ABCA12: variants seen among roughly 807,000 people sequenced by gnomAD.
ABCA12 encodes glucosylceramide transporter ABCA12.
In ABCA12, 156 loss-of-function variants were observed where a neutral mutation model predicts 293.5. The observed-to-expected ratio is 0.53, with a 90% CI of 0.47 to 0.61. The LOEUF (loss-of-function observed/expected upper bound fraction) is 0.61, where lower values mean the gene tolerates loss of function less well. Among genes scored for constraint, ABCA12 ranks in the 20% least tolerant of loss-of-function variants. ABCA12 has a pLI of 0.00. For synonymous variants in ABCA12, 1,063 were observed against 1,108.0 expected, an observed-to-expected ratio of 0.96 and a Z score of 0.81; for missense variants, 2,797 against 3,090.2, an observed-to-expected ratio of 0.91 and a Z score of 2.25.
chr2:215,019,817 G>A (rs773704038), intron 11 of ABCA12, 21 bp from the exon 12 acceptor site: 1 of 1,605,824 alleles, frequency 6.2e-7, no homozygotes, highest in South Asian at 1.1e-5. Context: ...AGGGAAAAGA[G>A]TGGGAAATAG....
chr2:215,024,378 T>TA (rs1006566564), intron 11 of ABCA12, among the ~76,000 whole-genome samples: 18 of 151,992 alleles, frequency 1.2e-4, no homozygotes, highest in South Asian at 2.1e-4. Flanking sequence ...ATATAATTGA[T>TA]AAAAAAATGA....
chr2:214,933,221 A>G (rs1698115316), intron 52 of ABCA12, among the ~76,000 whole-genome samples: 1 of 152,204 alleles, frequency 6.6e-6, no homozygotes, highest in Non-Finnish European at 1.5e-5. Context: ...CAGTAAGCCA[A>G]TTACTTAACA....
intron 2 of ABCA12, among the ~76,000 whole-genome samples, chr2:215,095,193 A>T (rs2106110908): frequency 6.6e-6 from 1 of 152,282 alleles, no homozygotes; most frequent in Non-Finnish European, 1.5e-5. Context: ...TGTTGTTTTT[A>T]CCTAAATCAA....
At chr2:215,045,249 C>A (rs1019199963) in intron 7 of ABCA12, among the ~76,000 whole-genome samples, 3 of 152,144 alleles carry the variant, frequency 2.0e-5, no homozygotes, top group African/African-American at 7.2e-5. Flanking sequence ...ATCTCTTTTA[C>A]GAATAAAGTA....
At position 214,934,410 on chromosome 2, in the gene ABCA12, A is replaced by G. The variant is rs545211717; in HGVS notation, c.7543-195T>C. Among the ~76,000 whole-genome samples the G allele has an allele frequency of 2.6e-5, 4 of 152,336 alleles. No homozygotes were observed. The East Asian group carries it at 7.7e-4, about 29-fold the overall frequency. Reference sequence around the variant, plus strand: ...GATGAAAGTTTTGTGAATGTCAAAGAGAAAACAAATTTAAAAGTTCATGAA... The same window carrying G: ...GATGAAAGTTTTGTGAATGTCAAAGGGAAAACAAATTTAAAAGTTCATGAA... On this transcript the variant is annotated intron_variant, in intron 51 of 52. Transcript: ENST00000272895.
chr2:214,936,070 T>G (rs1262330928), intron 51 of ABCA12, among the ~76,000 whole-genome samples: 1 of 152,172 alleles, frequency 6.6e-6, no homozygotes, highest in African/African-American at 2.4e-5. Flanking sequence ...TGGTTTTGCA[T>G]TCTATGGTTT....
At chr2:214,966,183 G>T (rs1199993755) in intron 39 of ABCA12, among the ~76,000 whole-genome samples, 1 of 152,182 alleles carries the variant, frequency 6.6e-6, no homozygotes, top group Non-Finnish European at 1.5e-5. Context: ...GGAGCTGAAT[G>T]GTGAGAATAC....
chr2:215,037,133 T>A (rs1701011270), intron 7 of ABCA12, 68 bp from the exon 8 acceptor site: 1 of 1,269,976 alleles, frequency 7.9e-7, no homozygotes, highest in Non-Finnish European at 1.1e-6. Flanking sequence ...AAAAGATTAT[T>A]CAAGGAGAAA....
At chr2:215,001,370 C>T (rs1700142400) in intron 21 of ABCA12, among the ~76,000 whole-genome samples, 188 bp downstream of exon 21, 1 of 152,150 alleles carries the variant, frequency 6.6e-6, no homozygotes, top group Admixed American at 6.6e-5. Flanking sequence ...TTGAAGTACA[C>T]CAACAAAATT....
intron 2 of ABCA12, among the ~76,000 whole-genome samples, chr2:215,088,115 A>C (rs1702076450): frequency 6.6e-6 from 1 of 152,222 alleles, no homozygotes; most frequent in Non-Finnish European, 1.5e-5. Context: ...TCTAGATTTT[A>C]TCCTGAATGT....
chr2:215,030,577 C>G (rs1420710984), intron 9 of ABCA12, among the ~76,000 whole-genome samples: 2 of 150,012 alleles, frequency 1.3e-5, no homozygotes, highest in Non-Finnish European at 1.5e-5. Flanking sequence ...GCACTCCAGC[C>G]TGGGCGACAG....
At chr2:215,066,965 T>A (rs2106077116) in intron 2 of ABCA12, among the ~76,000 whole-genome samples, 1 of 152,266 alleles carries the variant, frequency 6.6e-6, no homozygotes, top group South Asian at 2.1e-4. Flanking sequence ...TTCCTTGACA[T>A]CTATAATATA....
chr2:215,088,283 G>A (rs1199357731), intron 2 of ABCA12, among the ~76,000 whole-genome samples: 2 of 152,138 alleles, frequency 1.3e-5, no homozygotes, highest in African/African-American at 2.4e-5. Flanking sequence ...GACAATTGTA[G>A]CAGAAATGGA....
intron 20 of ABCA12, among the ~76,000 whole-genome samples, chr2:215,003,959 C>T (rs181421679): frequency 8.5e-4 from 129 of 152,300 alleles, no homozygotes; most frequent in East Asian, 7.7e-3. Context: ...TGAGCCACCA[C>T]GCCTGGCCTA....
At position 214,955,343 on chromosome 2, in the gene ABCA12, C is replaced by A; in HGVS notation, c.6252G>T (p.Trp2084Cys). Residue 2084 changes from tryptophan (W) to cysteine (C), a missense_variant, in exon 43 of 53, where the codon TGG becomes TGT. Transcript: ENST00000272895. ...LLLFGYATFS[W>C]MYLLAGLFHE... ...GGAAGAGCCCAGCCAGCAAGTACAT[C>A]CAGGAAAATGTTGCATACCTGCAGG... The A allele has an allele frequency of 6.2e-7, 1 of 1,614,064 alleles. No individual in the cohort carries two copies. The highest frequency in any genetic ancestry group is 8.5e-7 in the Non-Finnish European group (1 of 1,179,968).
At chr2:215,080,013 T>A (rs986091186) in intron 2 of ABCA12, among the ~76,000 whole-genome samples, 3 of 152,194 alleles carry the variant, frequency 2.0e-5, no homozygotes, top group Non-Finnish European at 2.9e-5. Context: ...TTATAACAAC[T>A]CGGCTAGTTG....
chr2:215,016,044 G>A (rs901599381), intron 14 of ABCA12, among the ~76,000 whole-genome samples: 1 of 150,198 alleles, frequency 6.7e-6, no homozygotes, highest in African/African-American at 2.4e-5. Flanking sequence ...CTCGGGAGGC[G>A]GAGGCAGGAG....
intron 34 of ABCA12, 73 bp downstream of exon 34, chr2:214,975,712 C>G (rs1461728824): frequency 6.3e-7 from 1 of 1,586,492 alleles, no homozygotes; most frequent in Admixed American, 1.7e-5. Flanking sequence ...GATCTCATGG[C>G]CTTCATTCAG....
Position 215,138,403 on chromosome 2 carries a change from A to AC in ABCA12, c.-196_-195insG. The AC allele has an allele frequency of 1.6e-6, 1 of 628,354 alleles. No homozygotes were observed. The highest frequency in any genetic ancestry group is 2.9e-6 in the Non-Finnish European group (1 of 350,724). The allele number at this position is 628,354 out of a possible 1,614,324, so 38.9% of individuals were successfully genotyped here. A position where few individuals can be genotyped will look rare whatever the true frequency, so the allele number is the denominator to read the frequency against. ...TTTTCCCTGTGGTTAATCCTTAACC[A>AC]AGAGGCACTTCTCAATCAACTCTTC... On this transcript the variant is annotated 5_prime_UTR_variant, in exon 1 of 53. Coordinates refer to ENST00000272895, the MANE Select transcript of ABCA12 (RefSeq NM_173076.3).
Sources: gnomAD v4.1 joint callset for allele counts (sites outside exome capture counted in the v4.1 genomes callset) on GRCh38, gnomAD v4.1.1 for gene constraint, MANE v1.5 for transcripts, NCBI Gene and HGNC (gene_info 2026-07-23, HGNC 2026-07-21) for gene names.